APAF1: variants seen among roughly 807,000 people sequenced by gnomAD.
APAF1 encodes apoptotic peptidase activating factor 1, also known as apoptotic protease-activating factor 1.
In APAF1, 91 loss-of-function variants were observed where a neutral mutation model predicts 152.4. The observed-to-expected ratio is 0.60, with a 90% CI of 0.50 to 0.71. APAF1 has a LOEUF of 0.71. Ranked by LOEUF, APAF1 falls within the 30% of genes least tolerant of loss-of-function variation. The probability of loss-of-function intolerance (pLI) is 0.00; values close to 1 mark genes in which losing one functional copy is unlikely to be tolerated. For missense variants in APAF1, 1,283 were observed against 1,472.0 expected, an observed-to-expected ratio of 0.87 and a Z score of 2.10; for synonymous variants, 484 against 494.1, an observed-to-expected ratio of 0.98 and a Z score of 0.27.
chr12:98,670,345 A>G (rs892541199), intron 10 of APAF1, among the ~76,000 whole-genome samples: 2 of 152,084 alleles, frequency 1.3e-5, no homozygotes, highest in African/African-American at 4.8e-5. Context: ...GATTTTGGCC[A>G]TCTGTGCTTT....
rs145270473 is a variant in APAF1, at chr12:98,662,526, C to G, written c.781C>G (p.Leu261Val). ...AGCTTTTGACAGTCAGTGTCAGATT[C>G]TTCTTACAACCAGAGACAAGAGTGT... The part of the protein sequence containing the change: ...LKAFDSQCQI[L>V]LTTRDKSVTD... The change falls in exon 6 of 27, where the codon CTT (leucine) becomes GTT (valine). Residue 261 changes from leucine (L) to valine (V), a missense_variant. By Grantham distance (32) the Leu-to-Val change is conservative. Coordinates refer to ENST00000551964, the MANE Select transcript of APAF1 (RefSeq NM_181861.2). The G allele has an allele frequency of 2.5e-6, 4 of 1,613,280 alleles. No homozygotes were observed. In the African/African-American group the frequency reaches 5.3e-5, roughly 22 times the overall value.
chr12:98,648,985 A>G, intron 3 of APAF1, 170 bp downstream of exon 3: 1 of 787,540 alleles, frequency 1.3e-6, no homozygotes, highest in Non-Finnish European at 2.1e-6. Flanking sequence ...ATCCACATTA[A>G]CTCTCAACTT....
intron 17 of APAF1, among the ~76,000 whole-genome samples, chr12:98,702,019 T>TA (rs1313601533): frequency 4.6e-5 from 7 of 152,238 alleles, no homozygotes. Context: ...CCTCCGGCGC[T>TA]ACGCTGCCTA....
chr12:98,676,133 G>A (rs539927856), intron 12 of APAF1, among the ~76,000 whole-genome samples: 1 of 152,276 alleles, frequency 6.6e-6, no homozygotes, highest in Non-Finnish European at 1.5e-5. Flanking sequence ...AAGTGACAGG[G>A]ATGTAACGTA....
rs754647777 is a variant in APAF1, at chr12:98,666,217, A to G, written c.1222A>G (p.Thr408Ala). 3.1e-6 allele frequency: 5 copies of G among 1,613,992 alleles called. No individual in the cohort carries two copies. The South Asian group carries it at 3.3e-5, about 11-fold the overall frequency. Reference sequence around the variant, plus strand: ...GTTATGTATTCTCTGGGACATGGAAACTGAAGAAGTTGAAGACATACTGCA... The same window carrying G: ...GTTATGTATTCTCTGGGACATGGAAGCTGAAGAAGTTGAAGACATACTGCA... ...KVLCILWDME[T>A]EEVEDILQEF... Residue 408 changes from threonine (T) to alanine (A), a missense_variant, in exon 9 of 27, where the codon ACT becomes GCT. By Grantham distance (58) the Thr-to-Ala change is moderately conservative. Coordinates refer to ENST00000551964, the MANE Select transcript of APAF1 (RefSeq NM_181861.2).
At chr12:98,666,453 A>C (rs76116877) in intron 9 of APAF1, 96 bp downstream of exon 9, 2 of 1,230,706 alleles carry the variant, frequency 1.6e-6, no homozygotes, top group African/African-American at 3.1e-5. Context: ...GTTTCTGTGC[A>C]TAAGTCCTTC....
At chr12:98,679,958 G>A (rs2097690626) in intron 13 of APAF1, among the ~76,000 whole-genome samples, 1 of 152,390 alleles carries the variant, frequency 6.6e-6, no homozygotes, top group Admixed American at 6.5e-5. Context: ...GGCCAAGTGG[G>A]TGAAACAAGA....
Position 98,686,761 on chromosome 12 carries a change from A to G in APAF1, c.2192A>G (p.Asn731Ser), listed in dbSNP as rs1159830268. 1.9e-6 allele frequency: 3 copies of G among 1,613,730 alleles called. No individual in the cohort carries two copies. Among genetic ancestry groups the G allele is most frequent in the Middle Eastern group, 3.3e-4 (2 of 6,058 alleles). Residue 731 changes from asparagine (N) to serine (S), a missense_variant, in exon 16 of 27, where the codon AAT becomes AGT. Coordinates refer to ENST00000551964, the MANE Select transcript of APAF1 (RefSeq NM_181861.2). ...SDCFLKLWDL[N>S]QKECRNTMFG... ...TTTCACAAATAGCTTTGGGATTTGA[A>G]TCAAAAAGAATGTCGAAATACCATG...
intron 4 of APAF1, among the ~76,000 whole-genome samples, chr12:98,652,504 A>G (rs1424858712): frequency 2.7e-5 from 4 of 149,982 alleles, no homozygotes; most frequent in Non-Finnish European, 4.4e-5. Context: ...TTTTTTATGG[A>G]TTTTGTTTAT....
chr12:98,680,995 T>C (rs1167533507), intron 14 of APAF1, among the ~76,000 whole-genome samples: 2 of 152,186 alleles, frequency 1.3e-5, no homozygotes, highest in African/African-American at 4.8e-5. Context: ...GAAAACCAGG[T>C]GGATGAACAA....
In APAF1 at chr12:98,655,844, C is replaced by T. The variant is rs1027299958; in HGVS notation, c.527-3316C>T. 6.5e-4 allele frequency among the ~76,000 whole-genome samples: 98 copies of T among 151,298 alleles called. 1 individual carries two copies. Among genetic ancestry groups the T allele is most frequent in the African/African-American group, 1.7e-3 (68 of 41,208 alleles). ...TGTCGCCCAGGTTGGAGTGCAGTGGCGCGGTCTCGGCTCACTGCAAGCTCG... is the reference window on the plus strand; with the variant it reads ...TGTCGCCCAGGTTGGAGTGCAGTGGTGCGGTCTCGGCTCACTGCAAGCTCG... On this transcript the variant is annotated intron_variant, in intron 4 of 26. Coordinates refer to ENST00000551964, the MANE Select transcript of APAF1 (RefSeq NM_181861.2).
At chr12:98,648,532 A>G (rs949748544) in intron 2 of APAF1, 35 bp downstream of exon 2, 8 of 1,609,740 alleles carry the variant, frequency 5.0e-6, no homozygotes, top group Non-Finnish European at 6.8e-6. Flanking sequence ...ACTTCCTTAA[A>G]AATTTTTAGA....
chr12:98,684,633 G>T (rs2097696077), intron 15 of APAF1, among the ~76,000 whole-genome samples: 1 of 151,604 alleles, frequency 6.6e-6, no homozygotes, highest in South Asian at 2.1e-4. Context: ...GAAAACACTG[G>T]ATTGGACCAA....
At chr12:98,687,563 AGTT>A (rs1230408232) in intron 16 of APAF1, among the ~76,000 whole-genome samples, 1 of 151,690 alleles carries the variant, frequency 6.6e-6, no homozygotes, top group Non-Finnish European at 1.5e-5. Context: ...TATTTCTTAC[AGTT>A]CTGGGGGAGA....
intron 25 of APAF1, among the ~76,000 whole-genome samples, chr12:98,725,797 C>T (rs1033930928): frequency 6.6e-6 from 1 of 152,246 alleles, no homozygotes; most frequent in Admixed American, 6.5e-5. Context: ...AGTTCATTCT[C>T]TGCCATTAGC....
At position 98,708,680 on chromosome 12, in the gene APAF1, A is replaced by C. The variant is rs760834151; in HGVS notation, c.2817A>C (p.Ala939=). ...VFQENEVMVL[A]VDHIRRLQLI... ...AAGAAAATGAAGTGATGGTCCTTGC[A>C]GTTGACCATATAAGACGTCTGCAAG... Residue 939 remains alanine, a synonymous_variant, in exon 20 of 27, where the codon GCA becomes GCC. Transcript: ENST00000551964. The C allele has an allele frequency of 1.4e-4, 228 of 1,613,658 alleles. No homozygotes were observed. The highest frequency in any genetic ancestry group is 5.1e-6 in the Non-Finnish European group (6 of 1,179,834).
chr12:98,673,450 A>G (rs1397876636), intron 12 of APAF1, among the ~76,000 whole-genome samples: 3 of 151,926 alleles, frequency 2.0e-5, no homozygotes, highest in Non-Finnish European at 4.4e-5. Flanking sequence ...AACAAAAAAA[A>G]AAAAAACAAA....
chr12:98,703,340 C>T (rs1333974453), intron 17 of APAF1, 31 bp from the exon 18 acceptor site: 1 of 1,611,902 alleles, frequency 6.2e-7, no homozygotes, highest in African/African-American at 1.3e-5. Flanking sequence ...AAGTATTTTA[C>T]CTTCATAGGT....
At chr12:98,721,850 C>T (rs2097743387) in intron 22 of APAF1, among the ~76,000 whole-genome samples, 2 of 152,184 alleles carry the variant, frequency 1.3e-5, no homozygotes, top group Non-Finnish European at 1.5e-5. Flanking sequence ...TAAGATTTTG[C>T]CTAGGTCTGA....
Sources: gnomAD v4.1 joint callset for allele counts (sites outside exome capture counted in the v4.1 genomes callset) on GRCh38, gnomAD v4.1.1 for gene constraint, MANE v1.5 for transcripts, NCBI Gene and HGNC (gene_info 2026-07-23, HGNC 2026-07-21) for gene names.